WBP11: variants seen among roughly 807,000 people sequenced by gnomAD.
WBP11 encodes WW domain binding protein 11.
A neutral mutation model predicts 66.7 loss-of-function variants in WBP11; 12 were observed. The ratio of observed to expected loss-of-function variants is 0.18; its 90% CI spans 0.12 to 0.29. WBP11 has a LOEUF of 0.29. Ranked by LOEUF, WBP11 falls within the 10% of genes least tolerant of loss-of-function variation. The pLI, the probability that WBP11 is intolerant of heterozygous loss-of-function variation, is 1.00. For synonymous variants in WBP11, 255 were observed against 273.8 expected (o/e 0.93, Z 0.68); for missense variants, 555 against 818.3 (o/e 0.68, Z 3.93).
intron 4 of WBP11, 94 bp from the exon 5 acceptor site, chr12:14,797,097 AAAAT>A (rs1218717842): frequency 9.7e-7 from 1 of 1,026,230 alleles, no homozygotes; most frequent in East Asian, 2.8e-5. Flanking sequence ...TATATGCTAA[AAAAT>A]TTTTAAGAGA....
At chr12:14,790,400 G>C (rs1354246750) in intron 10 of WBP11, 56 bp downstream of exon 10, 2 of 1,555,808 alleles carry the variant, frequency 1.3e-6, no homozygotes, top group African/African-American at 1.4e-5. Context: ...AGTATTTTTT[G>C]GAATGACTTC....
intron 8 of WBP11, among the ~76,000 whole-genome samples, chr12:14,792,595 G>A (rs567202678): frequency 1.3e-5 from 2 of 152,210 alleles, no homozygotes; most frequent in East Asian, 3.9e-4. Flanking sequence ...CACTTTGGGA[G>A]GCCGAGGGGG....
intron 8 of WBP11, among the ~76,000 whole-genome samples, chr12:14,793,274 GATATA>G (rs1044440927): frequency 6.6e-5 from 10 of 152,158 alleles, no homozygotes; most frequent in South Asian, 2.1e-4. Flanking sequence ...ACACATTATA[GATATA>G]ATATGTTTCA....
At chr12:14,790,118 C>T (rs1188841294) in intron 10 of WBP11, among the ~76,000 whole-genome samples, 1 of 152,232 alleles carries the variant, frequency 6.6e-6, no homozygotes, top group Non-Finnish European at 1.5e-5. Context: ...CTTACTCCCA[C>T]CTGCTGCCAA....
intron 1 of WBP11, among the ~76,000 whole-genome samples, chr12:14,802,284 T>C (rs1949974456): frequency 6.6e-6 from 1 of 152,234 alleles, no homozygotes; most frequent in East Asian, 1.9e-4. Context: ...GCGCAGTCTT[T>C]CCAGTAATAA....
chr12:14,795,830 G>C (rs1431631871), intron 5 of WBP11, among the ~76,000 whole-genome samples: 1 of 152,162 alleles, frequency 6.6e-6, no homozygotes, highest in Non-Finnish European at 1.5e-5. Flanking sequence ...TGCCTATGTT[G>C]AATTTCTGTT....
intron 4 of WBP11, 86 bp from the exon 5 acceptor site, chr12:14,797,089 T>C (rs1004487225): frequency 8.6e-7 from 1 of 1,159,748 alleles, no homozygotes; most frequent in Non-Finnish European, 1.2e-6. Flanking sequence ...AACCTCCATA[T>C]ATGCTAAAAA....
In WBP11 at chr12:14,787,508, TA is replaced by T. The variant is rs1949766668; in HGVS notation, c.1493-11del. On this transcript the variant is annotated splice_polypyrimidine_tract_variant and intron_variant, in intron 11 of 11. Coordinates refer to ENST00000261167, the MANE Select transcript of WBP11 (RefSeq NM_016312.3). ...CGAGGTGGAGGAATACCTAAATGAATAAAATAGGCAAGATGAATACTGTAAG... is the reference window on the plus strand; with the variant it reads ...CGAGGTGGAGGAATACCTAAATGAATAAATAGGCAAGATGAATACTGTAAG... The T allele has an allele frequency of 2.0e-6, 3 of 1,491,616 alleles. No individual in the cohort carries two copies. Among genetic ancestry groups the T allele is most frequent in the Non-Finnish European group, 2.7e-6 (3 of 1,118,586 alleles). The allele number at this position is 1,491,616 out of a possible 1,614,324, so 92.4% of individuals were successfully genotyped here.
chr12:14,788,331 T>A (rs1455200284), intron 11 of WBP11, among the ~76,000 whole-genome samples: 1 of 152,202 alleles, frequency 6.6e-6, no homozygotes, highest in Non-Finnish European at 1.5e-5. Context: ...TATGGACAGT[T>A]CAGACATACA....
chr12:14,786,759 A>G lies in WBP11; in HGVS notation c.*306T>C, dbSNP rs1279594034. 2 of 250,448 alleles carry G rather than the reference A, an allele frequency of 8.0e-6. No individual in the cohort carries two copies. The highest frequency in any genetic ancestry group is 2.2e-5 in the African/African-American group (1 of 45,860). The allele number at this position is 250,448 out of a possible 1,614,324, so 15.5% of individuals were successfully genotyped here. A position where few individuals can be genotyped will look rare whatever the true frequency, so the allele number is the denominator to read the frequency against. On this transcript the variant is annotated 3_prime_UTR_variant, in exon 12 of 12. Coordinates refer to ENST00000261167, the MANE Select transcript of WBP11 (RefSeq NM_016312.3). ...CAGCACACAAGAGTCAAAACAAATAAGCAACTAAGATCCCCCGATCACAAA... is the reference window on the plus strand; with the variant it reads ...CAGCACACAAGAGTCAAAACAAATAGGCAACTAAGATCCCCCGATCACAAA...
chr12:14,793,951 G>T (rs183145764), intron 7 of WBP11, 29 bp from the exon 8 acceptor site: 2 of 1,533,920 alleles, frequency 1.3e-6, no homozygotes, highest in Non-Finnish European at 1.8e-6. Context: ...ACATGGAGAA[G>T]TAGTATGATT....
At chr12:14,793,200 C>G (rs1434627695) in intron 8 of WBP11, among the ~76,000 whole-genome samples, 1 of 152,122 alleles carries the variant, frequency 6.6e-6, no homozygotes, top group Non-Finnish European at 1.5e-5. Context: ...ACTGTCAGTA[C>G]CCATTATGAT....
At chr12:14,802,945 G>C (rs556002725) in intron 1 of WBP11, among the ~76,000 whole-genome samples, 8 of 152,310 alleles carry the variant, frequency 5.3e-5, no homozygotes, top group African/African-American at 1.4e-4. Context: ...TTGTCTACAA[G>C]CGGAGGCGAC....
At position 14,796,550 on chromosome 12, in the gene WBP11, G is replaced by A. The variant is rs1350041872; in HGVS notation, c.387+257C>T. Reference sequence around the variant, plus strand: ...GAAAAATCCACACCTGACCTAATGTGATGGGTCGTAGTTTTGTTTCATGCA... The same window carrying A: ...GAAAAATCCACACCTGACCTAATGTAATGGGTCGTAGTTTTGTTTCATGCA... On this transcript the variant is annotated intron_variant, in intron 5 of 11. Transcript: ENST00000261167. The surrounding 1 kb of genome is among the most constrained non-coding windows in gnomAD (Gnocchi z 4.5). Among the ~76,000 whole-genome samples, 1 of 152,108 alleles carries A rather than the reference G, an allele frequency of 6.6e-6. No homozygotes were observed. Among genetic ancestry groups the A allele is most frequent in the African/African-American group, 2.4e-5 (1 of 41,406 alleles).
chr12:14,799,561 A>G, intron 4 of WBP11, 74 bp downstream of exon 4: 3 of 1,391,522 alleles, frequency 2.2e-6, no homozygotes, highest in South Asian at 2.5e-5. Context: ...ACTTACGCCT[A>G]TGCTGCTTCA....
chr12:14,800,693 A>G (rs910572810), intron 3 of WBP11, 59 bp downstream of exon 3: 3 of 1,453,060 alleles, frequency 2.1e-6, no homozygotes, highest in Non-Finnish European at 2.9e-6. Flanking sequence ...CACTAATCCC[A>G]AATCACAAGA....
Position 14,787,008 on chromosome 12 carries a change from C to T in WBP11, c.*57G>A, listed in dbSNP as rs1213585587. 26 of 1,476,072 alleles carry T rather than the reference C, an allele frequency of 1.8e-5. No homozygotes were observed. Among genetic ancestry groups the T allele is most frequent in the Non-Finnish European group, 2.4e-5 (26 of 1,100,100 alleles). 91.4% of individuals were successfully genotyped at this position (1,476,072 alleles called of 1,614,324 possible). ...CTCTTTCATCTAAGTTTAATAAGAG[C>T]CTCTTTCTCCATGGGCCACTGTTGT... is the stretch of plus-strand genomic sequence containing the variant. On this transcript the variant is annotated 3_prime_UTR_variant, in exon 12 of 12. Coordinates refer to ENST00000261167, the MANE Select transcript of WBP11 (RefSeq NM_016312.3).
chr12:14,798,494 C>G (rs1257412933), intron 4 of WBP11, among the ~76,000 whole-genome samples: 1 of 152,174 alleles, frequency 6.6e-6, no homozygotes, highest in African/African-American at 2.4e-5. Flanking sequence ...GAAGGATTCC[C>G]TGATTCCCCA....
At chr12:14,791,103 A>C (rs1224517532) in intron 9 of WBP11, 66 bp downstream of exon 9, 1 of 1,465,198 alleles carries the variant, frequency 6.8e-7, no homozygotes, top group Non-Finnish European at 9.5e-7. Context: ...AAATGGAAAA[A>C]CGTATGTAAA....
Sources: allele counts gnomAD v4.1 joint callset (sites outside exome capture counted in the v4.1 genomes callset), GRCh38; gene constraint gnomAD v4.1.1; non-coding constraint Gnocchi (gnomAD v3.1); transcripts MANE v1.5; gene names NCBI Gene and HGNC (gene_info 2026-07-23, HGNC 2026-07-21).